KIF3A: variants seen among roughly 807,000 people sequenced by gnomAD.
KIF3A encodes the protein kinesin-like protein KIF3A.
A neutral mutation model predicts 92.6 loss-of-function variants in KIF3A; 27 were observed. The ratio of observed to expected loss-of-function variants is 0.29; its 90% confidence interval spans 0.21 to 0.40. KIF3A has a LOEUF of 0.40. Ranked by LOEUF, KIF3A falls within the 10% of genes least tolerant of loss-of-function variation. KIF3A has a pLI of 1.00. For missense variants in KIF3A, 581 were observed against 872.6 expected (o/e 0.67, Z 4.21); for synonymous variants, 250 against 275.4 (o/e 0.91, Z 0.92).
At chr5:132,704,912 T>C (rs961800845) in intron 11 of KIF3A, among the ~76,000 whole-genome samples, 3 of 151,972 alleles carry the variant, frequency 2.0e-5, no homozygotes, top group Admixed American at 1.3e-4. Flanking sequence ...CTTTAACTCT[T>C]TATGACAAAA....
chr5:132,711,325 C>T (rs977981990), intron 8 of KIF3A, among the ~76,000 whole-genome samples: 10 of 152,172 alleles, frequency 6.6e-5, no homozygotes, highest in Admixed American at 2.0e-4. Flanking sequence ...GGCAAGGTGG[C>T]GCACGCCTGT....
chr5:132,710,898 C>T (rs7737031), intron 9 of KIF3A, 61 bp downstream of exon 9: 297,841 of 1,603,332 alleles, frequency 0.19, 40,539 homozygotes, highest in East Asian at 0.73. Context: ...AAAAGTCATG[C>T]ACTCTACCAC....
chr5:132,709,848 A>G (rs1298310836), intron 9 of KIF3A, among the ~76,000 whole-genome samples: 1 of 152,208 alleles, frequency 6.6e-6, no homozygotes, highest in East Asian at 1.9e-4. Flanking sequence ...GGATTTAGCC[A>G]GCAGACATTT....
At chr5:132,736,696 A>G (rs574545256) in intron 1 of KIF3A, 93 of 417,688 alleles carry the variant, frequency 2.2e-4, no homozygotes, top group Non-Finnish European at 4.2e-4. Flanking sequence ...CAACCCCATG[A>G]GGTAAAGTTT....
At chr5:132,692,150 T>C (rs1173135876), downstream of KIF3A, among the ~76,000 whole-genome samples, 3 of 152,132 alleles carry the variant, frequency 2.0e-5, no homozygotes, top group East Asian at 5.8e-4. Flanking sequence ...CTATTATCCT[T>C]AGCAAACTAA....
At position 132,734,195 on chromosome 5, in the gene KIF3A, A is replaced by G. The variant is rs774913230; in HGVS notation, c.280+10T>C. ...TAAGGGAGTTTTTTAAAAAGTAAAGATTCACTTACCATTGTAGCCTTCAAG... is the reference window on the plus strand; with the variant it reads ...TAAGGGAGTTTTTTAAAAAGTAAAGGTTCACTTACCATTGTAGCCTTCAAG... On this transcript the variant is annotated intron_variant, in intron 2 of 18. Transcript: ENST00000403231. 6 of 1,595,988 alleles carry G rather than the reference A, an allele frequency of 3.8e-6. No homozygotes were observed. In the South Asian group the frequency reaches 6.8e-5, roughly 18 times the overall value.
chr5:132,692,425 A>G (rs1752691294), downstream of KIF3A: 1 of 152,262 alleles, frequency 6.6e-6, no homozygotes, highest in African/African-American at 2.4e-5. Context: ...CTAAAAGTTT[A>G]AAGATGTAAA....
rs1370907813 is a variant in KIF3A, at chr5:132,724,812, TATATATATATA to T, written c.510+1305_510+1315del. Among the ~76,000 whole-genome samples, 6 of 12,450 alleles carry T rather than the reference TATATATATATA, an allele frequency of 4.8e-4. 1 individual carries two copies. In the East Asian group the frequency reaches 5.4e-3, roughly 11 times the overall value. The allele number at this position is 12,450 out of a possible 152,430, so 8.2% of individuals were successfully genotyped here. Reference sequence around the variant, plus strand: ...TATAATAAAAAAAAAAAAAAATATATATATATATATATATATATATATATATATATATATAT... The same window carrying T: ...TATAATAAAAAAAAAAAAAAATATATTATATATATATATATATATATATAT... On this transcript the variant is annotated intron_variant, in intron 4 of 18. Transcript: ENST00000403231.
chr5:132,720,985 C>A (rs904613538), intron 4 of KIF3A, among the ~76,000 whole-genome samples: 6 of 151,936 alleles, frequency 3.9e-5, no homozygotes, highest in African/African-American at 1.2e-4. Flanking sequence ...GATAAAATTC[C>A]CCAAGATGAT....
chr5:132,728,488 A>C (rs1425854160), intron 2 of KIF3A, among the ~76,000 whole-genome samples: 1 of 152,108 alleles, frequency 6.6e-6, no homozygotes, highest in Admixed American at 6.5e-5. Context: ...GTAATCCCAG[A>C]ACTTTGGGGA....
chr5:132,700,404 G>T, intron 16 of KIF3A, 120 bp from the exon 17 acceptor site: 1 of 712,912 alleles, frequency 1.4e-6, no homozygotes, highest in Non-Finnish European at 2.4e-6. Context: ...GAATGCTAGA[G>T]CAGAAAGGGC....
rs779826732 is a variant in KIF3A, at chr5:132,702,662, G to A, written c.1654C>T (p.Arg552Cys). The change falls in exon 14 of 19, where the codon CGC (arginine) becomes TGC (cysteine). Residue 552 changes from arginine to cysteine, a missense_variant. Arg to Cys is a radical substitution (Grantham distance 180). Around this residue, in one of 5 missense-constraint regions of KIF3A, gnomAD observed 45 missense variants for 115.8 expected, o/e 0.39. Transcript: ENST00000403231. ...GTATATTTTTCTTCAATATCCAAGC[G>A]TTCTTGCTATGACAAAAATTAGTAA... Reference protein sequence around the residue: ...RRELEEKEQERLDIEEKYTSL... With the variant: ...RRELEEKEQECLDIEEKYTSL... The A allele has an allele frequency of 2.5e-6, 4 of 1,599,192 alleles. No homozygotes were observed. Among genetic ancestry groups the A allele is most frequent in the South Asian group, 1.1e-5 (1 of 88,368 alleles).
At position 132,717,716 on chromosome 5, in the gene KIF3A, AT is replaced by A. The variant is rs1304634026; in HGVS notation, c.617-733del. 2.6e-5 allele frequency among the ~76,000 whole-genome samples: 4 copies of A among 152,030 alleles called. No individual in the cohort carries two copies. In the South Asian group the frequency reaches 6.2e-4, roughly 24 times the overall value. ...TGAATATATTGTGTAAACAAAAAAC[AT>A]TTTTTTACAATAGACCTGTATTAGT... is the stretch of plus-strand genomic sequence containing the variant. On this transcript the variant is annotated intron_variant, in intron 5 of 18. Coordinates refer to ENST00000403231, the MANE Select transcript of KIF3A (RefSeq NM_001300791.2).
chr5:132,735,924 T>C (rs775314370), intron 1 of KIF3A, among the ~76,000 whole-genome samples: 38 of 152,214 alleles, frequency 2.5e-4, no homozygotes, highest in Non-Finnish European at 4.3e-4. Context: ...TGCTTGGCCT[T>C]TTCTTGTCAC....
chr5:132,724,139 G>A (rs1305152515), intron 4 of KIF3A, among the ~76,000 whole-genome samples: 1 of 152,136 alleles, frequency 6.6e-6, no homozygotes, highest in Non-Finnish European at 1.5e-5. Flanking sequence ...TCATTAAAAA[G>A]TCAGGAAACA....
intron 17 of KIF3A, chr5:132,699,659 C>T (rs1752963759): frequency 9.9e-6 from 4 of 403,464 alleles, no homozygotes; most frequent in South Asian, 3.7e-5. Flanking sequence ...CCTGGGTTCA[C>T]GCCATTCTCC....
intron 11 of KIF3A, among the ~76,000 whole-genome samples, chr5:132,703,936 A>G (rs965938473): frequency 4.6e-5 from 7 of 151,824 alleles, no homozygotes; most frequent in African/African-American, 1.4e-4. Flanking sequence ...TAAAAAATAT[A>G]TATGTCCCCA....
rs1162424352 is a variant in KIF3A, at chr5:132,702,076, T to C, written c.1884+11A>G. On this transcript the variant is annotated intron_variant, in intron 15 of 18. Transcript: ENST00000403231. ...CAAGCGACTATCTCGGTCAGAGAAC[T>C]TCCTTTTTACCTGATAATCCCGAGG... is the stretch of plus-strand genomic sequence containing the variant. 1.9e-6 allele frequency: 3 copies of C among 1,604,616 alleles called. No individual in the cohort carries two copies. Among genetic ancestry groups the C allele is most frequent in the South Asian group, 2.2e-5 (2 of 89,968 alleles).
chr5:132,730,146 G>A (rs1001286504), intron 2 of KIF3A, among the ~76,000 whole-genome samples: 9 of 152,190 alleles, frequency 5.9e-5, no homozygotes, highest in Non-Finnish European at 1.0e-4. Flanking sequence ...GACTAATTCC[G>A]TGAAAGACAA....
Sources: allele counts gnomAD v4.1 joint callset (sites outside exome capture counted in the v4.1 genomes callset), GRCh38; gene constraint gnomAD v4.1.1; regional missense constraint gnomAD v4.1.1; transcripts MANE v1.5; gene names NCBI Gene and HGNC (gene_info 2026-07-23, HGNC 2026-07-21).